CORO2B: variants seen among roughly 807,000 people sequenced by gnomAD.
CORO2B encodes coronin-2B.
Under a neutral mutation model 58.8 loss-of-function variants are expected in CORO2B, and 26 were observed. The ratio of observed to expected loss-of-function variants is 0.44; its 90% confidence interval spans 0.32 to 0.61. The LOEUF is 0.61. CORO2B is among the 20% of genes least tolerant of loss of function. CORO2B has a pLI of 0.04. For missense variants in CORO2B, 460 were observed against 645.1 expected, an observed-to-expected ratio of 0.71 and a Z score of 3.11; for synonymous variants, 242 against 253.8, an observed-to-expected ratio of 0.95 and a Z score of 0.44.
At chr15:68,575,098 T>A (rs1899254930), upstream of CORO2B, among the ~76,000 whole-genome samples, 1 of 152,170 alleles carries the variant, frequency 6.6e-6, no homozygotes. Context: ...AACCAGGGAC[T>A]TTTTACTTTC....
chr15:68,589,608 G>A (rs67807441), intron 1 of CORO2B, among the ~76,000 whole-genome samples: 25,348 of 152,246 alleles, frequency 0.17, 2,445 homozygotes, highest in Middle Eastern at 0.29. Context: ...GGGAACTGGG[G>A]CTCCCCCAAG....
chr15:68,719,463 G>A lies in CORO2B; in HGVS notation c.1222G>A (p.Val408Ile). ...KEGYKKSSKMVFKAPIKEKKS... is the reference protein window; with the variant it reads ...KEGYKKSSKMIFKAPIKEKKS... The stretch of plus-strand genomic sequence containing the variant: ...AGGCTATAAGAAGTCCTCAAAAATG[G>A]TATTTAAGGCTCCCATCAAAGAAAA... Residue 408 changes from valine to isoleucine, a missense_variant, in exon 11 of 12, where the codon GTA becomes ATA. Val to Ile is a conservative substitution (Grantham distance 29, BLOSUM62 3). This residue lies in a region of CORO2B where 108 missense variants were observed against 102.1 expected (regional missense o/e 1.06). Coordinates refer to ENST00000261861, the MANE Select transcript of CORO2B (RefSeq NM_006091.5). 2 of 1,614,102 alleles carry A rather than the reference G, an allele frequency of 1.2e-6. No homozygotes were observed. Among genetic ancestry groups the A allele is most frequent in the Middle Eastern group, 3.3e-4 (2 of 6,062 alleles).
chr15:68,611,195 G>T (rs1289512491), intron 1 of CORO2B, among the ~76,000 whole-genome samples: 2 of 152,196 alleles, frequency 1.3e-5, no homozygotes, highest in African/African-American at 4.8e-5. Context: ...CACGCTCCAT[G>T]ATTCTCTTGT....
chr15:68,701,486 T>A, intron 3 of CORO2B, among the ~76,000 whole-genome samples: 1 of 104,694 alleles, frequency 9.6e-6, no homozygotes, highest in Non-Finnish European at 2.1e-5. Flanking sequence ...TAATTTTTTT[T>A]TTTTTTTTTT....
At chr15:68,584,600 G>A (rs1200637852) in intron 1 of CORO2B, among the ~76,000 whole-genome samples, 3 of 152,124 alleles carry the variant, frequency 2.0e-5, no homozygotes, top group Non-Finnish European at 4.4e-5. Flanking sequence ...GTGGAGTCTC[G>A]GCTCCTGGCA....
At chr15:68,605,711 GTTT>G (rs35340917) in intron 1 of CORO2B, among the ~76,000 whole-genome samples, 10 of 99,092 alleles carry the variant, frequency 1.0e-4, no homozygotes, top group African/African-American at 9.3e-5. Flanking sequence ...GGGCTCTTGG[GTTT>G]TTTTTTTTTT....
chr15:68,588,820 G>T (rs1899631731), intron 1 of CORO2B, among the ~76,000 whole-genome samples: 1 of 147,956 alleles, frequency 6.8e-6, no homozygotes, highest in Non-Finnish European at 1.5e-5. Context: ...GGGGACAAAG[G>T]GATTTAATTC....
intron 2 of CORO2B, among the ~76,000 whole-genome samples, 170 bp from the exon 3 acceptor site, chr15:68,694,970 G>A (rs1446710653): frequency 2.0e-5 from 3 of 152,160 alleles, no homozygotes; most frequent in Non-Finnish European, 4.4e-5. Context: ...GAGCAGTGTG[G>A]CCCAGACTGA....
chr15:68,543,873 C>T, the CORO2B span, among the ~76,000 whole-genome samples: 14 of 152,180 alleles, frequency 9.2e-5, no homozygotes, highest in African/African-American at 2.4e-5. Flanking sequence ...CAGCCTTCTG[C>T]CCAGCAGCCT....
chr15:68,683,647 A>G (rs1425067176), intron 2 of CORO2B, among the ~76,000 whole-genome samples: 1 of 151,906 alleles, frequency 6.6e-6, no homozygotes, highest in East Asian at 1.9e-4. Context: ...CAGTATCCCT[A>G]CCCATCACAT....
At chr15:68,538,703 G>A in the CORO2B span, among the ~76,000 whole-genome samples, 1 of 152,092 alleles carries the variant, frequency 6.6e-6, no homozygotes, top group African/African-American at 2.4e-5. Context: ...AAACTCACAA[G>A]TTTATTAATA....
chr15:68,604,960 A>G (rs1467537422), intron 1 of CORO2B, among the ~76,000 whole-genome samples: 1 of 152,002 alleles, frequency 6.6e-6, no homozygotes, highest in East Asian at 1.9e-4. Context: ...CTAAAAACAC[A>G]AAAATTAGCC....
At chr15:68,668,552 T>G (rs1476497170) in intron 2 of CORO2B, among the ~76,000 whole-genome samples, 1 of 152,086 alleles carries the variant, frequency 6.6e-6, no homozygotes, top group East Asian at 1.9e-4. Context: ...GTAAAGAGCA[T>G]GCGGAAGAGT....
At chr15:68,650,560 C>T (rs759884091) in intron 2 of CORO2B, among the ~76,000 whole-genome samples, 15 of 152,028 alleles carry the variant, frequency 9.9e-5, no homozygotes, top group Non-Finnish European at 1.2e-4. Context: ...TGTAGTGAGC[C>T]GAAATCGCGC....
At chr15:68,609,713 T>G (rs1383617079) in intron 1 of CORO2B, among the ~76,000 whole-genome samples, 1 of 152,188 alleles carries the variant, frequency 6.6e-6, no homozygotes, top group African/African-American at 2.4e-5. Context: ...TCCTGTGACT[T>G]AACCAAAGGC....
At chr15:68,549,548 C>G in the CORO2B span, among the ~76,000 whole-genome samples, 2 of 152,308 alleles carry the variant, frequency 1.3e-5, no homozygotes, top group South Asian at 4.1e-4. Context: ...CAGCCCAGGC[C>G]CCCTGTGAGT....
intron 3 of CORO2B, among the ~76,000 whole-genome samples, chr15:68,708,521 T>C (rs868723465): frequency 4.6e-5 from 7 of 151,976 alleles, no homozygotes; most frequent in Middle Eastern, 6.8e-3. Context: ...CCACTACGCC[T>C]GGCTAATTTT....
the CORO2B span, among the ~76,000 whole-genome samples, chr15:68,560,846 C>A: frequency 6.6e-6 from 1 of 152,202 alleles, no homozygotes; most frequent in African/African-American, 2.4e-5. Flanking sequence ...GCCTGCACAA[C>A]CCGAGGGGAC....
intron 1 of CORO2B, among the ~76,000 whole-genome samples, chr15:68,601,167 C>T (rs181793815): frequency 4.6e-5 from 7 of 152,264 alleles, no homozygotes; most frequent in East Asian, 1.9e-4. Flanking sequence ...ATTCTCTCCT[C>T]GCTCCTCCAC....
Sources: allele counts gnomAD v4.1 joint callset (sites outside exome capture counted in the v4.1 genomes callset), GRCh38; gene constraint gnomAD v4.1.1; regional missense constraint gnomAD v4.1.1; transcripts MANE v1.5; gene names NCBI Gene and HGNC (gene_info 2026-07-23, HGNC 2026-07-21).